TRIM2: variants seen among roughly 807,000 people sequenced by gnomAD.
TRIM2 encodes tripartite motif containing 2.
A neutral mutation model predicts 75.2 loss-of-function variants in TRIM2; 20 were observed. The ratio of observed to expected loss-of-function variants is 0.27; its 90% CI spans 0.19 to 0.39. TRIM2 has a LOEUF of 0.39. Ranked by LOEUF, TRIM2 falls within the 10% of genes least tolerant of loss-of-function variation. The pLI, the probability that TRIM2 is intolerant of heterozygous loss-of-function variation, is 1.00. For missense variants in TRIM2, 660 were observed against 990.8 expected, an observed-to-expected ratio of 0.67 and a Z score of 4.48; for synonymous variants, 373 against 388.3, an observed-to-expected ratio of 0.96 and a Z score of 0.46.
At chr4:153,187,343 C>T (rs1732704293) in intron 1 of TRIM2, among the ~76,000 whole-genome samples, 1 of 152,174 alleles carries the variant, frequency 6.6e-6, no homozygotes, top group Admixed American at 6.5e-5. Flanking sequence ...TTTTGCAACC[C>T]TAAGCCCATT....
chr4:153,161,596 C>G (rs1729743601), intron 1 of TRIM2, among the ~76,000 whole-genome samples: 1 of 152,146 alleles, frequency 6.6e-6, no homozygotes, highest in African/African-American at 2.4e-5. Context: ...ATATTCTGCT[C>G]CCCTTGGAGT....
At chr4:153,249,660 C>G (rs1308157758) in intron 1 of TRIM2, among the ~76,000 whole-genome samples, 1 of 151,812 alleles carries the variant, frequency 6.6e-6, no homozygotes, top group Non-Finnish European at 1.5e-5. Flanking sequence ...TCAGCCTCCA[C>G]CAGCTCAGTC....
chr4:153,265,500 C>T (rs1308546910), intron 1 of TRIM2, among the ~76,000 whole-genome samples: 3 of 151,972 alleles, frequency 2.0e-5, no homozygotes, highest in Admixed American at 6.6e-5. Flanking sequence ...CCTGCCGCCA[C>T]GCCTGACTAA....
intron 6 of TRIM2, among the ~76,000 whole-genome samples, chr4:153,302,353 G>A (rs573898804): frequency 2.5e-4 from 38 of 152,266 alleles, no homozygotes; most frequent in South Asian, 6.2e-4. Context: ...CCTGCCAGGC[G>A]TTATTCTAGG....
Position 153,338,953 on chromosome 4 carries a change from G to GT in TRIM2, c.*3999dup, listed in dbSNP as rs71598263. The GT allele has an allele frequency of 0.28, 199,047 of 721,574 alleles. 5,585 individuals carry two copies. Among genetic ancestry groups the GT allele is most frequent in the Middle Eastern group, 0.32 (468 of 1,476 alleles). The allele number at this position is 721,574 out of a possible 1,614,324, so 44.7% of individuals were successfully genotyped here. On this transcript the variant is annotated 3_prime_UTR_variant, in exon 12 of 12. Coordinates refer to ENST00000338700, the MANE Select transcript of TRIM2 (RefSeq NM_015271.5). Reference sequence around the variant, plus strand: ...CAAGCCTATGTATGAATATGAAGGGGTTTTTTTTTTTTGCTTTGTTTTCTT... The same window carrying GT: ...CAAGCCTATGTATGAATATGAAGGGGTTTTTTTTTTTTTGCTTTGTTTTCTT...
intron 8 of TRIM2, among the ~76,000 whole-genome samples, chr4:153,318,486 C>T (rs971649588): frequency 2.6e-5 from 4 of 152,042 alleles, no homozygotes; most frequent in Non-Finnish European, 5.9e-5. Flanking sequence ...GTATGATGAC[C>T]ACATATATAT....
chr4:153,202,648 G>A (rs1481391849), upstream of TRIM2, among the ~76,000 whole-genome samples: 7 of 147,254 alleles, frequency 4.8e-5, no homozygotes, highest in African/African-American at 7.6e-5. Context: ...GCAGTGAGCC[G>A]AGATCACGCC....
At chr4:153,237,018 T>C (rs966989118) in intron 1 of TRIM2, among the ~76,000 whole-genome samples, 3 of 152,234 alleles carry the variant, frequency 2.0e-5, no homozygotes, top group African/African-American at 7.2e-5. Flanking sequence ...TAAACATCTT[T>C]GTAAACTTAC....
chr4:153,243,223 G>A (rs183116030), intron 1 of TRIM2, among the ~76,000 whole-genome samples: 67 of 152,332 alleles, frequency 4.4e-4, no homozygotes, highest in Non-Finnish European at 7.8e-4. Context: ...TATCAGTACC[G>A]CCAAACTGAA....
chr4:153,310,165 A>G (rs940949965), intron 6 of TRIM2: 1 of 152,232 alleles, frequency 6.6e-6, no homozygotes, highest in Non-Finnish European at 1.5e-5. Context: ...TAATTGTTAA[A>G]TTGATTATAA....
chr4:153,157,009 C>T (rs1373747675), intron 1 of TRIM2: 1 of 152,248 alleles, frequency 6.6e-6, no homozygotes, highest in Non-Finnish European at 1.5e-5. Flanking sequence ...GGTGACACCT[C>T]TCTTCTTTCC....
chr4:153,293,203 T>C, intron 4 of TRIM2, 70 bp downstream of exon 4: 1 of 1,452,750 alleles, frequency 6.9e-7, no homozygotes, highest in Non-Finnish European at 9.4e-7. Context: ...GCCTCTTGTC[T>C]AGGTACAAGA....
chr4:153,261,423 A>C (rs1753558611), intron 1 of TRIM2, among the ~76,000 whole-genome samples: 1 of 152,130 alleles, frequency 6.6e-6, no homozygotes, highest in African/African-American at 2.4e-5. Flanking sequence ...ACTCTGTCTT[A>C]GGGAGAGAAA....
At position 153,335,286 on chromosome 4, in the gene TRIM2, T is replaced by C. The variant is rs1014492639; in HGVS notation, c.*320T>C. On this transcript the variant is annotated 3_prime_UTR_variant, in exon 12 of 12. Coordinates refer to ENST00000338700, the MANE Select transcript of TRIM2 (RefSeq NM_015271.5). ...AACAGACACTTAAAAAACTAGCATA[T>C]GTAAAGGTATTCGTTAATCCTGTGA... 3.9e-6 allele frequency: 4 copies of C among 1,032,240 alleles called. No individual in the cohort carries two copies. The South Asian group carries it at 1.8e-4, about 46-fold the overall frequency. The allele number at this position is 1,032,240 out of a possible 1,614,324, so 63.9% of individuals were successfully genotyped here.
intron 3 of TRIM2, among the ~76,000 whole-genome samples, chr4:153,284,179 T>C (rs1323668197): frequency 6.6e-6 from 1 of 150,800 alleles, no homozygotes. Flanking sequence ...GCGCCTGGCC[T>C]GGTTTTTTTT....
intron 2 of TRIM2, 93 bp from the exon 3 acceptor site, chr4:153,275,800 A>C: frequency 8.3e-7 from 1 of 1,202,878 alleles, no homozygotes; most frequent in Non-Finnish European, 1.2e-6. Context: ...TTTCTGCCAA[A>C]TACCTTGTGT....
upstream of TRIM2, among the ~76,000 whole-genome samples, chr4:153,202,968 G>C (rs1310951076): frequency 6.6e-6 from 1 of 151,706 alleles, no homozygotes; most frequent in African/African-American, 2.4e-5. Context: ...AGCTGGTCGT[G>C]GTGGTGCGCA....
chr4:153,195,565 A>G (rs1733680651), intron 1 of TRIM2, among the ~76,000 whole-genome samples: 1 of 152,184 alleles, frequency 6.6e-6, no homozygotes, highest in African/African-American at 2.4e-5. Flanking sequence ...CAAAGCTAGG[A>G]GAGAGGCGGA....
rs1354030900 is a variant in TRIM2, at chr4:153,308,747, C to T, written c.1511-6738C>T. On this transcript the variant is annotated intron_variant, in intron 6 of 11. Coordinates refer to ENST00000338700, the MANE Select transcript of TRIM2 (RefSeq NM_015271.5). ...TCCAAGCTGAGCTTGCACAGGATTT[C>T]ATGAACAGCAGATATTTTGAAGGAA... 15 of 538,130 alleles carry T rather than the reference C, an allele frequency of 2.8e-5. No individual in the cohort carries two copies. The East Asian group carries it at 6.5e-4, about 23-fold the overall frequency. The allele number at this position is 538,130 out of a possible 1,614,324, so 33.3% of individuals were successfully genotyped here.
Sources: allele counts gnomAD v4.1 joint callset (sites outside exome capture counted in the v4.1 genomes callset), GRCh38; gene constraint gnomAD v4.1.1; transcripts MANE v1.5; gene names NCBI Gene and HGNC (gene_info 2026-07-23, HGNC 2026-07-21).